The following PRKCQ variants were observed in gnomAD, a reference collection of about 807,000 sequenced individuals.
The protein encoded by PRKCQ is protein kinase C theta.
In PRKCQ, 41 loss-of-function variants were observed where a neutral mutation model predicts 91.2. The observed-to-expected ratio is 0.45, with a 90% CI of 0.35 to 0.58. The LOEUF (loss-of-function observed/expected upper bound fraction) is 0.58, where lower values mean the gene tolerates loss of function less well. PRKCQ is among the 20% of genes least tolerant of loss of function. The pLI is 0.00. For synonymous variants in PRKCQ, 307 were observed against 316.9 expected (o/e 0.97, Z 0.33); for missense variants, 673 against 896.5 (o/e 0.75, Z 3.18).
chr10:6,448,345 A>G (rs909352095), intron 15 of PRKCQ, among the ~76,000 whole-genome samples: 2 of 151,468 alleles, frequency 1.3e-5, no homozygotes, highest in Non-Finnish European at 2.9e-5. Flanking sequence ...GTTTGAGGGG[A>G]GGGTCACAGA....
chr10:6,469,042 A>T (rs1014862015), intron 12 of PRKCQ, among the ~76,000 whole-genome samples: 5 of 152,224 alleles, frequency 3.3e-5, no homozygotes, highest in African/African-American at 1.2e-4. Flanking sequence ...TATCACATAC[A>T]TTGTTATTAT....
rs1332003013 is a variant in PRKCQ, at chr10:6,580,092, C to T, written c.-10+119G>A. The T allele has an allele frequency of 3.7e-4, 57 of 152,242 alleles. 1 individual carries two copies. The highest frequency in any genetic ancestry group is 3.7e-3 in the Admixed American group (57 of 15,282). 9.4% of individuals were successfully genotyped at this position (152,242 alleles called of 1,614,324 possible). A position where few individuals can be genotyped will look rare whatever the true frequency, so the allele number is the denominator to read the frequency against. On this transcript the variant is annotated intron_variant, in intron 1 of 17. Coordinates refer to ENST00000263125, the MANE Select transcript of PRKCQ (RefSeq NM_006257.5). ...CCATTTCCTACTCCGCCTGCTCACC[C>T]GGCAGCCCTCACCCCTTCCCGGAGG...
Position 6,537,484 on chromosome 10 carries a change from C to A in PRKCQ, c.-9-22340G>T, listed in dbSNP as rs180800537. Among the ~76,000 whole-genome samples, 536 of 152,248 alleles carry A rather than the reference C, an allele frequency of 3.5e-3. 1 individual carries two copies. Among genetic ancestry groups the A allele is most frequent in the African/African-American group, 0.012 (505 of 41,524 alleles). On this transcript the variant is annotated intron_variant, in intron 1 of 17. Coordinates refer to ENST00000263125, the MANE Select transcript of PRKCQ (RefSeq NM_006257.5). ...ACAGCTTGTTCCAGCCCTGCGGGAA[C>A]GGGAACTCAGGTGCCACAGAAGCTA... is the stretch of plus-strand genomic sequence containing the variant.
At chr10:6,403,650 A>G in the PRKCQ span, among the ~76,000 whole-genome samples, 1 of 152,202 alleles carries the variant, frequency 6.6e-6, no homozygotes. Flanking sequence ...GCTGTGTCAG[A>G]CCATTTTAAT....
rs147081702 is a variant in PRKCQ, at chr10:6,486,232, G to A, written c.791-88C>T. 294 of 1,096,240 alleles carry A rather than the reference G, an allele frequency of 2.7e-4. 1 individual carries two copies. In the African/African-American group the frequency reaches 3.7e-3, roughly 14 times the overall value. 67.9% of individuals were successfully genotyped at this position (1,096,240 alleles called of 1,614,324 possible). On this transcript the variant is annotated intron_variant, in intron 8 of 17. Coordinates refer to ENST00000263125, the MANE Select transcript of PRKCQ (RefSeq NM_006257.5). ...CTCTGGAGGTAAGACAGAGCCTTGCGGATAGGGAGGAAAGCCTAAAGTGCC... is the reference window on the plus strand; with the variant it reads ...CTCTGGAGGTAAGACAGAGCCTTGCAGATAGGGAGGAAAGCCTAAAGTGCC...
intron 2 of PRKCQ, among the ~76,000 whole-genome samples, chr10:6,512,404 T>C (rs1296064603): frequency 1.3e-5 from 2 of 152,204 alleles, no homozygotes; most frequent in South Asian, 2.1e-4. Flanking sequence ...GTAACAAATC[T>C]GTAGACAGGA....
chr10:6,518,497 A>G (rs1290164537), intron 1 of PRKCQ, among the ~76,000 whole-genome samples: 1 of 152,088 alleles, frequency 6.6e-6, no homozygotes, highest in Non-Finnish European at 1.5e-5. Context: ...TCCTAATTTA[A>G]GCTGTAAAAA....
intron 4 of PRKCQ, among the ~76,000 whole-genome samples, chr10:6,499,223 C>G (rs1321169686): frequency 6.6e-6 from 1 of 152,150 alleles, no homozygotes; most frequent in Non-Finnish European, 1.5e-5. Flanking sequence ...TTTTTGGTGT[C>G]TAGGTAATCC....
At chr10:6,557,293 C>A (rs1490141392) in intron 1 of PRKCQ, among the ~76,000 whole-genome samples, 1 of 152,198 alleles carries the variant, frequency 6.6e-6, no homozygotes, top group Non-Finnish European at 1.5e-5. Context: ...TTGGTCATTT[C>A]CAGACCCTGC....
chr10:6,451,790 T>G (rs148356443), intron 15 of PRKCQ, among the ~76,000 whole-genome samples: 2 of 152,134 alleles, frequency 1.3e-5, no homozygotes, highest in Non-Finnish European at 2.9e-5. Flanking sequence ...AATCAATAAA[T>G]GTAATCCAGC....
intron 7 of PRKCQ, among the ~76,000 whole-genome samples, chr10:6,494,190 C>T (rs1837468013): frequency 6.6e-6 from 1 of 152,212 alleles, no homozygotes; most frequent in Non-Finnish European, 1.5e-5. Context: ...ACACCCATCC[C>T]CATCAGCAAC....
intron 1 of PRKCQ, among the ~76,000 whole-genome samples, chr10:6,532,296 A>G (rs1270151453): frequency 6.6e-6 from 1 of 152,246 alleles, no homozygotes; most frequent in African/African-American, 2.4e-5. Context: ...GAAGAGATTA[A>G]AAGCTTAGCT....
chr10:6,425,264 G>A (rs1833088575), downstream of PRKCQ, among the ~76,000 whole-genome samples: 5 of 143,946 alleles, frequency 3.5e-5, no homozygotes, highest in Admixed American at 2.2e-4. Flanking sequence ...TTGCTCTGTC[G>A]CCCAGGCTGG....
At chr10:6,445,452 C>A (rs2132270954) in intron 15 of PRKCQ, among the ~76,000 whole-genome samples, 1 of 152,234 alleles carries the variant, frequency 6.6e-6, no homozygotes, top group East Asian at 1.9e-4. Context: ...TTGGGAGGAC[C>A]CTTTCACCCT....
At chr10:6,436,832 C>T (rs1346364361) in intron 16 of PRKCQ, among the ~76,000 whole-genome samples, 1 of 152,204 alleles carries the variant, frequency 6.6e-6, no homozygotes, top group African/African-American at 2.4e-5. Context: ...TCCAATCTTT[C>T]TCTCCTTGGA....
Position 6,461,391 on chromosome 10 carries a change from C to G in PRKCQ, c.1508+912G>C, listed in dbSNP as rs536211167. ...ATATAAAGAAAAATTTAAAAAAATT[C>G]TGCTAAGAGTTTTAAAATAATATTC... is the stretch of plus-strand genomic sequence containing the variant. On this transcript the variant is annotated intron_variant, in intron 14 of 17. Transcript: ENST00000263125. Among the ~76,000 whole-genome samples, 195 of 152,290 alleles carry G rather than the reference C, an allele frequency of 1.3e-3. 1 individual carries two copies. The highest frequency in any genetic ancestry group is 4.1e-4 in the Non-Finnish European group (28 of 68,024).
At chr10:6,496,962 A>C in intron 7 of PRKCQ, 73 bp downstream of exon 7, 1 of 1,354,956 alleles carries the variant, frequency 7.4e-7, no homozygotes, top group Non-Finnish European at 1.1e-6. Context: ...ATTATTCTGA[A>C]GAATTCGTGG....
At chr10:6,471,590 A>C (rs1351866701) in intron 12 of PRKCQ, among the ~76,000 whole-genome samples, 2 of 144,752 alleles carry the variant, frequency 1.4e-5, no homozygotes, top group East Asian at 2.0e-4. Flanking sequence ...TAAAATACCA[A>C]GAAAAAAAAA....
downstream of PRKCQ, among the ~76,000 whole-genome samples, chr10:6,422,868 A>G (rs1833037808): frequency 6.6e-6 from 1 of 152,144 alleles, no homozygotes; most frequent in Non-Finnish European, 1.5e-5. Context: ...ATCATTGATC[A>G]CTGTGGTCAC....
Sources: gnomAD v4.1 joint callset for allele counts (sites outside exome capture counted in the v4.1 genomes callset) on GRCh38, gnomAD v4.1.1 for gene constraint, MANE v1.5 for transcripts, NCBI Gene and HGNC (gene_info 2026-07-23, HGNC 2026-07-21) for gene names.